The following ADAM28 variants were observed in gnomAD, a reference collection of about 807,000 sequenced individuals.
ADAM28 encodes the protein ADAM metallopeptidase domain 28.
A neutral mutation model predicts 101.2 loss-of-function variants in ADAM28; 105 were observed. That is an observed-to-expected ratio of 1.04 (90% CI 0.89 to 1.22). The LOEUF (loss-of-function observed/expected upper bound fraction) is 1.22, where lower values mean the gene tolerates loss of function less well. ADAM28 is among the 50% of genes most tolerant of loss of function. The pLI is 0.00. For missense variants in ADAM28, 1,028 were observed against 945.4 expected (o/e 1.09, Z -1.15); for synonymous variants, 322 against 310.6 (o/e 1.04, Z -0.39).
At position 24,313,512 on chromosome 8, in the gene ADAM28, G is replaced by A; in HGVS notation, c.508G>A (p.Gly170Arg). 2 of 1,613,880 alleles carry A rather than the reference G, an allele frequency of 1.2e-6. No homozygotes were observed. Among genetic ancestry groups the A allele is most frequent in the Non-Finnish European group, 1.7e-6 (2 of 1,179,878 alleles). ...PDEKNYDSTC[G>R]MDGVLWAHDL... ...TGAAAAGAATTATGACAGCACCTGT[G>A]GGATGGATGGTGTGTTGTGGGCCCA... Residue 170 changes from glycine (G) to arginine (R), a missense_variant, in exon 6 of 23, where the codon GGG becomes AGG. Physicochemically the swap from Gly to Arg is moderately radical, Grantham distance 125. Transcript: ENST00000265769.
intron 19 of ADAM28, 119 bp from the exon 20 acceptor site, chr8:24,351,113 C>A: frequency 1.3e-6 from 1 of 756,312 alleles, no homozygotes; most frequent in Non-Finnish European, 2.0e-6. Flanking sequence ...AGATAAAAAC[C>A]CAGGCAATAG....
chr8:24,352,022 A>G lies in ADAM28; in HGVS notation c.2214A>G (p.Pro738=). ...SQMKPHVYDL[P]VEGNEPPASF... is the part of the protein sequence containing the mutation. ...TGAAGCCCCATGTGTATGATCTGCC[A>G]GTAGAAGGCAATGAGCCCCCAGCCT... Residue 738 remains proline, a synonymous_variant, in exon 21 of 23, where the codon CCA becomes CCG. Coordinates refer to ENST00000265769, the MANE Select transcript of ADAM28 (RefSeq NM_014265.6). 1 of 1,613,808 alleles carries G rather than the reference A, an allele frequency of 6.2e-7. No homozygotes were observed.
chr8:24,339,456 C>G lies in ADAM28; in HGVS notation c.1568-10C>G, dbSNP rs375404599. 8.1e-6 allele frequency: 13 copies of G among 1,605,318 alleles called. No homozygotes were observed. The African/African-American group carries it at 1.7e-4, about 22-fold the overall frequency. On this transcript the variant is annotated splice_polypyrimidine_tract_variant and intron_variant, in intron 14 of 22. Coordinates refer to ENST00000265769, the MANE Select transcript of ADAM28 (RefSeq NM_014265.6). ...ATTTTCTTTTCCCTGCTGACTGATC[C>G]TGGTCCCAGGAACTGAGGTTGCAGA...
chr8:24,327,203 A>T (rs1292750285), intron 10 of ADAM28, among the ~76,000 whole-genome samples: 3 of 152,160 alleles, frequency 2.0e-5, no homozygotes, highest in Non-Finnish European at 4.4e-5. Context: ...CAGTCTCAGG[A>T]TACACAGTCA....
At chr8:24,324,772 C>A (rs1812324534) in intron 9 of ADAM28, among the ~76,000 whole-genome samples, 1 of 151,954 alleles carries the variant, frequency 6.6e-6, no homozygotes, top group Non-Finnish European at 1.5e-5. Flanking sequence ...ATGTTTCTGT[C>A]TATATCCCCT....
intron 2 of ADAM28, among the ~76,000 whole-genome samples, chr8:24,302,288 G>A (rs1808885387): frequency 6.6e-6 from 1 of 152,188 alleles, no homozygotes; most frequent in South Asian, 2.1e-4. Flanking sequence ...TTTTATGGTT[G>A]CATAGTATTC....
chr8:24,301,860 C>T (rs957470494), intron 2 of ADAM28, among the ~76,000 whole-genome samples: 3 of 152,156 alleles, frequency 2.0e-5, no homozygotes, highest in Non-Finnish European at 2.9e-5. Context: ...GAGACACTGA[C>T]CAGTTTGTTG....
chr8:24,295,134 T>C (rs533152599), intron 1 of ADAM28, among the ~76,000 whole-genome samples: 1 of 152,358 alleles, frequency 6.6e-6, no homozygotes, highest in Non-Finnish European at 1.5e-5. Flanking sequence ...ATGATTTTCC[T>C]GTGTCTCACC....
chr8:24,304,868 T>C (rs1416621361), intron 2 of ADAM28, among the ~76,000 whole-genome samples: 1 of 148,850 alleles, frequency 6.7e-6, no homozygotes, highest in Non-Finnish European at 1.5e-5. Flanking sequence ...TGAGCTGAGA[T>C]CACGTCATTT....
intron 2 of ADAM28, 81 bp from the exon 3 acceptor site, chr8:24,309,813 G>T (rs1810203817): frequency 9.5e-7 from 1 of 1,052,744 alleles, no homozygotes. Flanking sequence ...GATATTGCTT[G>T]CTAATGACTA....
intron 16 of ADAM28, among the ~76,000 whole-genome samples, chr8:24,342,395 G>A (rs1322349835): frequency 6.6e-6 from 1 of 152,104 alleles, no homozygotes; most frequent in African/African-American, 2.4e-5. Flanking sequence ...ATCCAATGAT[G>A]AGTCCAAAAT....
chr8:24,345,811 T>G (rs1183052956), intron 18 of ADAM28, among the ~76,000 whole-genome samples: 2 of 152,118 alleles, frequency 1.3e-5, no homozygotes, highest in African/African-American at 4.8e-5. Context: ...GCGATACAAC[T>G]TTACGGTATA....
intron 22 of ADAM28, 150 bp from the exon 23 acceptor site, chr8:24,354,234 T>G: frequency 1.5e-6 from 1 of 674,884 alleles, no homozygotes; most frequent in South Asian, 1.8e-5. Flanking sequence ...TCCTCTCACA[T>G]TTCTACTTCT....
intron 16 of ADAM28, among the ~76,000 whole-genome samples, chr8:24,342,535 G>A (rs1249057227): frequency 6.6e-6 from 1 of 152,120 alleles, no homozygotes; most frequent in African/African-American, 2.4e-5. Context: ...CCTATAAGAA[G>A]TACCCACAGT....
At position 24,349,958 on chromosome 8, in the gene ADAM28, G is replaced by C; in HGVS notation, c.2085G>C (p.Gln695His). The C allele has an allele frequency of 6.2e-7, 1 of 1,613,552 alleles. No individual in the cohort carries two copies. Among genetic ancestry groups the C allele is most frequent in the Non-Finnish European group, 8.5e-7 (1 of 1,179,664 alleles). Residue 695 changes from glutamine to histidine, a missense_variant, in exon 19 of 23, where the codon CAG becomes CAC. Transcript: ENST00000265769. ...VIRHQSSREK[Q>H]KKDQRPLSTT... ...GGCACCAGAGCTCCAGAGAAAAGCA[G>C]AAGAAAGATCAGAGGTGATCCTTTA...
In ADAM28 at chr8:24,300,130, C is replaced by CAT. The variant is rs112972104; in HGVS notation, c.150+62_150+63dup. The stretch of plus-strand genomic sequence containing the variant: ...TTGATTTGAGATACATATATACACA[C>CAT]ATATATATATCTATCTATGATGAGA... On this transcript the variant is annotated intron_variant, in intron 2 of 22. Transcript: ENST00000265769. The CAT allele has an allele frequency of 1.2e-4, 153 of 1,329,702 alleles. No individual in the cohort carries two copies. The East Asian group carries it at 2.9e-3, about 25-fold the overall frequency. The allele number at this position is 1,329,702 out of a possible 1,614,324, so 82.4% of individuals were successfully genotyped here. A position where few individuals can be genotyped will look rare whatever the true frequency, so the allele number is the denominator to read the frequency against.
chr8:24,334,180 CAT>C (rs780359629), intron 13 of ADAM28, among the ~76,000 whole-genome samples: 5 of 152,230 alleles, frequency 3.3e-5, no homozygotes, highest in African/African-American at 7.2e-5. Flanking sequence ...ATATATGAAA[CAT>C]ATGAAAATAT....
intron 2 of ADAM28, chr8:24,308,835 T>C: frequency 2.6e-6 from 1 of 383,970 alleles, no homozygotes; most frequent in South Asian, 2.0e-5. Flanking sequence ...ATCTGATGAT[T>C]CTAACATGCC....
At chr8:24,337,915 A>T (rs185790106) in intron 14 of ADAM28, among the ~76,000 whole-genome samples, 10 of 152,350 alleles carry the variant, frequency 6.6e-5, no homozygotes, top group Non-Finnish European at 1.3e-4. Context: ...ATTTTAACTC[A>T]TTAGCAATAT....
Sources: gnomAD v4.1 joint callset for allele counts (sites outside exome capture counted in the v4.1 genomes callset) on GRCh38, gnomAD v4.1.1 for gene constraint, MANE v1.5 for transcripts, NCBI Gene and HGNC (gene_info 2026-07-23, HGNC 2026-07-21) for gene names.